HSD17B4: variants seen among roughly 807,000 people sequenced by gnomAD.
The protein encoded by HSD17B4 is hydroxysteroid 17-beta dehydrogenase 4.
HSD17B4 carries 70 observed loss-of-function variants against 101.0 expected under a neutral mutation model. The ratio of observed to expected loss-of-function variants is 0.69; its 90% CI spans 0.57 to 0.85. The LOEUF is 0.85. HSD17B4 is among the 40% of genes least tolerant of loss of function. The pLI is 0.00. For synonymous variants in HSD17B4, 347 were observed against 297.1 expected, an observed-to-expected ratio of 1.17 and a Z score of -1.73; for missense variants, 984 against 892.4, an observed-to-expected ratio of 1.10 and a Z score of -1.31.
chr5:119,460,048 T>C (rs112785908), intron 2 of HSD17B4, among the ~76,000 whole-genome samples: 15,538 of 151,920 alleles, frequency 0.1, 1,039 homozygotes, highest in South Asian at 0.15. Flanking sequence ...TTTTTTTTTT[T>C]GTATTTTTAG....
Position 119,541,963 on chromosome 5 carries a change from AG to A in HSD17B4, c.2181del (p.Met728Ter). The A allele has an allele frequency of 6.2e-7, 1 of 1,613,042 alleles. No individual in the cohort carries two copies. Among genetic ancestry groups the A allele is most frequent in the Non-Finnish European group, 8.5e-7 (1 of 1,179,254 alleles). ...RGNIMLSQKL[Q>X]MILKDYAKL ...AACATCATGCTGAGCCAGAAACTTC[AG>A]ATGATTCTTAAAGACTACGCCAAGC... On this transcript the variant is annotated frameshift_variant, in exon 24 of 24. Coordinates refer to ENST00000510025, the MANE Select transcript of HSD17B4 (RefSeq NM_000414.4). LOFTEE classifies it high-confidence loss of function.
At chr5:119,461,069 T>C (rs1355588938) in intron 2 of HSD17B4, among the ~76,000 whole-genome samples, 5 of 152,126 alleles carry the variant, frequency 3.3e-5, no homozygotes, top group African/African-American at 1.2e-4. Flanking sequence ...CATAGGACCT[T>C]TAGTTCAGAG....
chr5:119,523,644 A>G (rs1242996107), intron 17 of HSD17B4, among the ~76,000 whole-genome samples: 2 of 152,284 alleles, frequency 1.3e-5, no homozygotes, highest in Admixed American at 6.5e-5. Context: ...AGAACACTGT[A>G]TTCATTTATA....
At chr5:119,522,705 C>G (rs1753226123) in intron 17 of HSD17B4, among the ~76,000 whole-genome samples, 1 of 152,038 alleles carries the variant, frequency 6.6e-6, no homozygotes, top group Admixed American at 6.6e-5. Context: ...AATAAATTAT[C>G]TTTCAGGATC....
At chr5:119,463,087 A>G (rs1755428605) in intron 2 of HSD17B4, among the ~76,000 whole-genome samples, 1 of 152,186 alleles carries the variant, frequency 6.6e-6, no homozygotes, top group Non-Finnish European at 1.5e-5. Flanking sequence ...GCTTCCACAT[A>G]TGAGTGAAAA....
At chr5:119,496,676 C>T in intron 12 of HSD17B4, 30 bp downstream of exon 12, 2 of 1,211,168 alleles carry the variant, frequency 1.7e-6, no homozygotes, top group Non-Finnish European at 2.5e-6. Context: ...AAAGCGTTTG[C>T]CTTCTCTGGA....
intron 8 of HSD17B4, among the ~76,000 whole-genome samples, chr5:119,479,868 G>T (rs544262005): frequency 6.6e-6 from 1 of 152,186 alleles, no homozygotes; most frequent in Admixed American, 6.6e-5. Context: ...TGTGATTGCT[G>T]GATGGATGCT....
rs573449262 is a variant in HSD17B4, at chr5:119,473,799, A to G, written c.113-109A>G. On this transcript the variant is annotated intron_variant, in intron 2 of 23. Transcript: ENST00000510025. ...GATAGGGTAGGAAGGAACTGGGCAGATGACTGAAGAGATGTGCTAGTAATT... is the reference window on the plus strand; with the variant it reads ...GATAGGGTAGGAAGGAACTGGGCAGGTGACTGAAGAGATGTGCTAGTAATT... 176 of 743,406 alleles carry G rather than the reference A, an allele frequency of 2.4e-4. 6 individuals carry two copies. In the South Asian group the frequency reaches 2.5e-3, roughly 11 times the overall value. 46.1% of individuals were successfully genotyped at this position (743,406 alleles called of 1,614,324 possible).
intron 4 of HSD17B4, among the ~76,000 whole-genome samples, chr5:119,474,896 A>G (rs907861189): frequency 1.2e-4 from 19 of 152,154 alleles, no homozygotes; most frequent in Non-Finnish European, 2.5e-4. Context: ...TTAATTTTTA[A>G]GAAGTATTTC....
intron 2 of HSD17B4, chr5:119,464,666 C>A (rs1402126570): frequency 1.3e-5 from 2 of 150,284 alleles, no homozygotes; most frequent in South Asian, 2.1e-4. Context: ...GATCTCGGCT[C>A]ACTGCAACCT....
In HSD17B4 at chr5:119,492,133, C is replaced by T. The variant is rs774941697; in HGVS notation, c.739+9C>T. 3 of 1,603,626 alleles carry T rather than the reference C, an allele frequency of 1.9e-6. No individual in the cohort carries two copies. In the South Asian group the frequency reaches 3.3e-5, roughly 18 times the overall value. On this transcript the variant is annotated intron_variant, in intron 10 of 23. Coordinates refer to ENST00000510025, the MANE Select transcript of HSD17B4 (RefSeq NM_000414.4). The stretch of plus-strand genomic sequence containing the variant: ...AGGATGGATTGGAAAATGTAAGTCT[C>T]TCTCAGTTTTTGGTTTGTATAGATT...
chr5:119,535,860 AGT>A, intron 22 of HSD17B4: 1 of 154,632 alleles, frequency 6.5e-6, no homozygotes, highest in South Asian at 2.0e-4. Flanking sequence ...TTTCTCCTGT[AGT>A]GACCCTTTGT....
intron 2 of HSD17B4, among the ~76,000 whole-genome samples, chr5:119,473,621 T>A (rs1376914698): frequency 6.6e-6 from 1 of 152,144 alleles, no homozygotes; most frequent in African/African-American, 2.4e-5. Context: ...CCATGCCCAG[T>A]CTTCTTTACT....
intron 2 of HSD17B4, among the ~76,000 whole-genome samples, chr5:119,465,413 G>A (rs1755708416): frequency 6.6e-6 from 1 of 152,086 alleles, no homozygotes; most frequent in Non-Finnish European, 1.5e-5. Context: ...AACAGTCTGG[G>A]ACCTCCTTCT....
Position 119,494,159 on chromosome 5 carries a change from G to C in HSD17B4, c.868+213G>C, listed in dbSNP as rs567058133. On this transcript the variant is annotated intron_variant, in intron 11 of 23. Coordinates refer to ENST00000510025, the MANE Select transcript of HSD17B4 (RefSeq NM_000414.4). Reference sequence around the variant, plus strand: ...AGTTTTTCAGCTTTATTATAATCCTGTTTTTTGGGTTTATGTGTGATTGGG... The same window carrying C: ...AGTTTTTCAGCTTTATTATAATCCTCTTTTTTGGGTTTATGTGTGATTGGG... Among the ~76,000 whole-genome samples the C allele has an allele frequency of 5.9e-5, 9 of 152,194 alleles. No homozygotes were observed. The South Asian group carries it at 1.9e-3, about 32-fold the overall frequency.
chr5:119,528,825 G>C (rs982265368), intron 20 of HSD17B4, among the ~76,000 whole-genome samples: 3 of 151,874 alleles, frequency 2.0e-5, no homozygotes, highest in Non-Finnish European at 4.4e-5. Context: ...CAGCATATTT[G>C]CTATATTTTT....
chr5:119,525,708 G>GTTTTT, intron 18 of HSD17B4: 2 of 564,874 alleles, frequency 3.5e-6, no homozygotes, highest in Non-Finnish European at 6.2e-6. Flanking sequence ...TTCTTTTCCT[G>GTTTTT]TTTTGTTTTT....
At chr5:119,460,256 C>A (rs1755087807) in intron 2 of HSD17B4, among the ~76,000 whole-genome samples, 1 of 152,176 alleles carries the variant, frequency 6.6e-6, no homozygotes. Flanking sequence ...TAAACCATCC[C>A]AGGCTGCTTT....
At chr5:119,467,422 A>G (rs963683523) in intron 2 of HSD17B4, among the ~76,000 whole-genome samples, 5 of 152,218 alleles carry the variant, frequency 3.3e-5, no homozygotes, top group Non-Finnish European at 7.3e-5. Flanking sequence ...GTTGAAGTCT[A>G]TCTTTCTCAT....
Sources: gnomAD v4.1 joint callset for allele counts (sites outside exome capture counted in the v4.1 genomes callset) on GRCh38, gnomAD v4.1.1 for gene constraint, MANE v1.5 for transcripts, NCBI Gene and HGNC (gene_info 2026-07-23, HGNC 2026-07-21) for gene names.